The following ARHGEF28 variants were observed in gnomAD, a reference collection of about 807,000 sequenced individuals.
ARHGEF28 encodes 190 kDa guanine nucleotide exchange factor.
In ARHGEF28, 152 loss-of-function variants were observed where a neutral mutation model predicts 206.6. The observed-to-expected ratio is 0.74, with a 90% CI of 0.64 to 0.84. The LOEUF (loss-of-function observed/expected upper bound fraction) is 0.84. Ranked by LOEUF, ARHGEF28 falls within the 40% of genes least tolerant of loss-of-function variation. The probability of loss-of-function intolerance (pLI) is 0.00; values close to 1 mark genes in which losing one functional copy is unlikely to be tolerated. For synonymous variants in ARHGEF28, 763 were observed against 776.4 expected (o/e 0.98, Z 0.29); for missense variants, 2,028 against 2,073.2 (o/e 0.98, Z 0.42).
At chr5:73,633,130 G>A (rs898748283) in intron 1 of ARHGEF28, among the ~76,000 whole-genome samples, 1 of 152,100 alleles carries the variant, frequency 6.6e-6, no homozygotes, top group Admixed American at 6.5e-5. Context: ...AGAATCTAAT[G>A]TTGCCACTGC....
rs371273780 is a variant in ARHGEF28, at chr5:73,758,936, A to G, written c.475+5734A>G. Among the ~76,000 whole-genome samples the G allele has an allele frequency of 4.5e-4, 69 of 152,368 alleles. 1 individual carries two copies. Among genetic ancestry groups the G allele is most frequent in the African/African-American group, 1.4e-3 (57 of 41,588 alleles). The stretch of plus-strand genomic sequence containing the variant: ...TTGCTTCGTCAGGTTTAAAGAGTTA[A>G]GCTTTTCTCCTGCCTTTGTGATTGG... On this transcript the variant is annotated intron_variant, in intron 4 of 35. Transcript: ENST00000513042.
At chr5:73,639,857 G>A (rs1286246065) in intron 1 of ARHGEF28, among the ~76,000 whole-genome samples, 1 of 152,030 alleles carries the variant, frequency 6.6e-6, no homozygotes, top group Non-Finnish European at 1.5e-5. Context: ...TCACATTTGT[G>A]CTTTTTCATT....
chr5:73,911,243 T>A lies in ARHGEF28; in HGVS notation c.4648-32T>A, dbSNP rs533364806. The A allele has an allele frequency of 9.2e-6, 14 of 1,515,910 alleles. No homozygotes were observed. In the African/African-American group the frequency reaches 1.5e-4, roughly 16 times the overall value. 93.9% of individuals were successfully genotyped at this position (1,515,910 alleles called of 1,614,324 possible). A position where few individuals can be genotyped will look rare whatever the true frequency, so the allele number is the denominator to read the frequency against. ...ATGAAACTTGTATAAGTTAGAAAAA[T>A]TATTGTACTTTTCCTCTGTTTCTTT... On this transcript the variant is annotated intron_variant, in intron 34 of 35. Coordinates refer to ENST00000513042, the MANE Select transcript of ARHGEF28 (RefSeq NM_001177693.2).
intron 9 of ARHGEF28, among the ~76,000 whole-genome samples, chr5:73,831,264 G>A (rs995394518): frequency 2.0e-5 from 3 of 152,160 alleles, no homozygotes; most frequent in Non-Finnish European, 2.9e-5. Context: ...TATGGATGAG[G>A]AAACTTTGTG....
At chr5:73,904,158 C>A (rs1762422298) in intron 31 of ARHGEF28, 64 bp from the exon 32 acceptor site, 1 of 1,533,770 alleles carries the variant, frequency 6.5e-7, no homozygotes, top group Non-Finnish European at 9.0e-7. Flanking sequence ...CATTTTGGGA[C>A]ACTGCAGGGC....
At chr5:73,658,962 T>TACACACACACACACAC (rs55877309) in intron 1 of ARHGEF28, among the ~76,000 whole-genome samples, 1 of 124,742 alleles carries the variant, frequency 8.0e-6, no homozygotes, top group Non-Finnish European at 1.8e-5. Context: ...TGCATGCAGG[T>TACACACACACACACAC]ACACACACAC....
At chr5:73,748,661 T>C (rs573661172) in intron 2 of ARHGEF28, among the ~76,000 whole-genome samples, 1 of 152,308 alleles carries the variant, frequency 6.6e-6, no homozygotes, top group African/African-American at 2.4e-5. Flanking sequence ...CGAGCAGGTT[T>C]GTTTTTGTTG....
chr5:73,867,788 A>AG, intron 18 of ARHGEF28, 88 bp from the exon 19 acceptor site: 1 of 1,544,678 alleles, frequency 6.5e-7, no homozygotes, highest in East Asian at 2.3e-5. Context: ...TAGTCATTGC[A>AG]GGGTTTAGCT....
At chr5:73,908,097 T>G (rs73103895) in intron 33 of ARHGEF28, among the ~76,000 whole-genome samples, 1,525 of 152,290 alleles carry the variant, frequency 0.01, 29 homozygotes, top group African/African-American at 0.035. Flanking sequence ...TAATACCTAT[T>G]CTGGATGATA....
rs2112392382 is a variant in ARHGEF28, at chr5:73,748,180, T to C, written c.34-1657T>C. Among the ~76,000 whole-genome samples the C allele has an allele frequency of 2.0e-5, 3 of 152,302 alleles. 1 individual carries two copies. The highest frequency in any genetic ancestry group is 2.0e-4 in the Admixed American group (3 of 15,304). ...TTTCCTCTCTCAGTCATGTTAGACA[T>C]TTGTTGTTTTTTGCTTTTCAGATCT... On this transcript the variant is annotated intron_variant, in intron 2 of 35. Coordinates refer to ENST00000513042, the MANE Select transcript of ARHGEF28 (RefSeq NM_001177693.2).
intron 10 of ARHGEF28, among the ~76,000 whole-genome samples, chr5:73,838,594 G>A (rs1186933695): frequency 6.6e-6 from 1 of 152,064 alleles, no homozygotes; most frequent in African/African-American, 2.4e-5. Flanking sequence ...TTCCTCAAAT[G>A]GTAATATTTT....
At chr5:73,845,776 A>G (rs1021791298) in intron 11 of ARHGEF28, among the ~76,000 whole-genome samples, 1 of 151,962 alleles carries the variant, frequency 6.6e-6, no homozygotes, top group Non-Finnish European at 1.5e-5. Context: ...GGGTGGATCC[A>G]TTGAGCCCAG....
chr5:73,828,842 G>C (rs1477292342), intron 9 of ARHGEF28, among the ~76,000 whole-genome samples: 1 of 150,424 alleles, frequency 6.6e-6, no homozygotes, highest in Non-Finnish European at 1.5e-5. Context: ...TTTGAGACAG[G>C]GTGTTACTTA....
At chr5:73,939,003 G>A (rs1439258540) in intron 35 of ARHGEF28, among the ~76,000 whole-genome samples, 2 of 151,352 alleles carry the variant, frequency 1.3e-5, no homozygotes, top group Non-Finnish European at 2.9e-5. Flanking sequence ...AGTATGTAAG[G>A]GAGGGAAAGT....
intron 1 of ARHGEF28, among the ~76,000 whole-genome samples, chr5:73,647,172 G>C (rs1323512071): frequency 6.6e-6 from 1 of 152,166 alleles, no homozygotes; most frequent in Non-Finnish European, 1.5e-5. Flanking sequence ...GTGATGAGTT[G>C]TAGTCAAAAT....
At chr5:73,842,652 A>G (rs553064004) in intron 11 of ARHGEF28, among the ~76,000 whole-genome samples, 9 of 152,304 alleles carry the variant, frequency 5.9e-5, no homozygotes, top group African/African-American at 2.2e-4. Flanking sequence ...AAATTGAGCT[A>G]TGTGTGATAA....
rs373300123 is a variant in ARHGEF28 at position 73,766,068 on chromosome 5, C to T, written c.476-7787C>T. 1.7e-4 allele frequency among the ~76,000 whole-genome samples: 25 copies of T among 151,186 alleles called. No homozygotes were observed. The East Asian group carries it at 3.5e-3, about 21-fold the overall frequency. On this transcript the variant is annotated intron_variant, in intron 4 of 35. Coordinates refer to ENST00000513042, the MANE Select transcript of ARHGEF28 (RefSeq NM_001177693.2). ...TCGGGAGCCTGAGGCAGGAGAATGGCGTGAACCTGGGAGGTGGAGCTTGCA... is the reference window on the plus strand; with the variant it reads ...TCGGGAGCCTGAGGCAGGAGAATGGTGTGAACCTGGGAGGTGGAGCTTGCA...
Position 73,832,411 on chromosome 5 carries a change from G to A in ARHGEF28, c.1098G>A (p.Met366Ile), listed in dbSNP as rs761313251. The change falls in exon 10 of 36, where the codon ATG becomes ATA. Residue 366 changes from methionine (M) to isoleucine (I), a missense_variant. Around this residue, in one of 3 missense-constraint regions of ARHGEF28, gnomAD observed 1,002 missense variants for 1,015.3 expected, o/e 0.99. Coordinates refer to ENST00000513042, the MANE Select transcript of ARHGEF28 (RefSeq NM_001177693.2). ...TLLAAGRLSDMLNGGDEVYAN... is the reference protein window; with the variant it reads ...TLLAAGRLSDILNGGDEVYAN... ...TTGCTGCAGGCCGGCTTTCAGACATGCTGAATGGAGGTGATGAAGTCTACG... is the reference window on the plus strand; with the variant it reads ...TTGCTGCAGGCCGGCTTTCAGACATACTGAATGGAGGTGATGAAGTCTACG... The A allele has an allele frequency of 6.8e-6, 11 of 1,612,564 alleles. No homozygotes were observed. The East Asian group carries it at 2.5e-4, about 36-fold the overall frequency.
chr5:73,678,159 T>G lies in ARHGEF28; in HGVS notation c.-11-6682T>G, dbSNP rs1250075960. Among the ~76,000 whole-genome samples the G allele has an allele frequency of 4.6e-5, 7 of 152,336 alleles. No individual in the cohort carries two copies. In the East Asian group the frequency reaches 9.6e-4, roughly 21 times the overall value. On this transcript the variant is annotated intron_variant, in intron 1 of 35. Coordinates refer to ENST00000513042, the MANE Select transcript of ARHGEF28 (RefSeq NM_001177693.2). ...TGAGAATATAAAATTTTAAAATATA[T>G]TTCAGTTTGAAGTTTCCTGGTTTTA...
Sources: allele counts gnomAD v4.1 joint callset (sites outside exome capture counted in the v4.1 genomes callset), GRCh38; gene constraint gnomAD v4.1.1; regional missense constraint gnomAD v4.1.1; transcripts MANE v1.5; gene names NCBI Gene and HGNC (gene_info 2026-07-23, HGNC 2026-07-21).